The following SLC4A10 variants were observed in gnomAD, a reference collection of about 807,000 sequenced individuals.
The protein encoded by SLC4A10 is sodium-driven chloride bicarbonate exchanger.
Under a neutral mutation model 137.7 loss-of-function variants are expected in SLC4A10, and 42 were observed. The ratio of observed to expected loss-of-function variants is 0.30; its 90% CI spans 0.24 to 0.39. The LOEUF (loss-of-function observed/expected upper bound fraction) is 0.39, where lower values mean the gene tolerates loss of function less well. SLC4A10 is among the 10% of genes least tolerant of loss of function. The pLI, the probability that SLC4A10 is intolerant of heterozygous loss-of-function variation, is 1.00. For missense variants in SLC4A10, 925 were observed against 1,355.0 expected, an observed-to-expected ratio of 0.68 and a Z score of 4.98; for synonymous variants, 474 against 464.1, an observed-to-expected ratio of 1.02 and a Z score of -0.27.
chr2:161,708,246 C>T (rs533318735), intron 1 of SLC4A10, among the ~76,000 whole-genome samples: 2 of 151,446 alleles, frequency 1.3e-5, no homozygotes, highest in Admixed American at 1.3e-4. Flanking sequence ...AGGGAAAATT[C>T]CTTTAAGAGA....
At chr2:161,784,200 A>T (rs1381901832) in intron 2 of SLC4A10, among the ~76,000 whole-genome samples, 2 of 151,926 alleles carry the variant, frequency 1.3e-5, no homozygotes, top group Non-Finnish European at 2.9e-5. Context: ...AATTGTAAGT[A>T]GTTATGCACC....
intron 1 of SLC4A10, among the ~76,000 whole-genome samples, chr2:161,686,793 G>T (rs2041461164): frequency 6.6e-6 from 1 of 152,038 alleles, no homozygotes; most frequent in Admixed American, 6.6e-5. Context: ...AGGAAGTAAA[G>T]GTGTAAGAGA....
At chr2:161,712,804 A>G (rs1016339893) in intron 1 of SLC4A10, among the ~76,000 whole-genome samples, 1 of 151,860 alleles carries the variant, frequency 6.6e-6, no homozygotes, top group Non-Finnish European at 1.5e-5. Flanking sequence ...CTCTGAAGAA[A>G]TTTCCTCAGT....
intron 1 of SLC4A10, among the ~76,000 whole-genome samples, chr2:161,755,118 T>A (rs918336553): frequency 6.6e-6 from 1 of 152,180 alleles, no homozygotes; most frequent in Non-Finnish European, 1.5e-5. Flanking sequence ...AAATTATACA[T>A]CAGACTCATT....
intron 1 of SLC4A10, among the ~76,000 whole-genome samples, chr2:161,739,602 A>C (rs2047674951): frequency 6.6e-6 from 1 of 152,168 alleles, no homozygotes; most frequent in African/African-American, 2.4e-5. Flanking sequence ...GACTACTCCT[A>C]TCAAGATCCA....
intron 6 of SLC4A10, among the ~76,000 whole-genome samples, chr2:161,866,388 A>G (rs914451550): frequency 2.0e-5 from 3 of 151,940 alleles, no homozygotes; most frequent in Non-Finnish European, 1.5e-5. Flanking sequence ...TAAACACACT[A>G]GTTCACTCGT....
In SLC4A10 at chr2:161,805,593, T is replaced by A. The variant is rs1381937048; in HGVS notation, c.277+998T>A. 2.6e-5 allele frequency among the ~76,000 whole-genome samples: 4 copies of A among 152,184 alleles called. No homozygotes were observed. The East Asian group carries it at 7.7e-4, about 29-fold the overall frequency. Reference sequence around the variant, plus strand: ...GAGATATTGGCCAAAACAAAGGGGCTACAGGCCCAATGCAAGTCCAAAATC... The same window carrying A: ...GAGATATTGGCCAAAACAAAGGGGCAACAGGCCCAATGCAAGTCCAAAATC... On this transcript the variant is annotated intron_variant, in intron 3 of 26. Coordinates refer to ENST00000446997, the MANE Select transcript of SLC4A10 (RefSeq NM_001178015.2).
intron 15 of SLC4A10, among the ~76,000 whole-genome samples, chr2:161,938,046 G>A (rs1434210565): frequency 6.6e-6 from 1 of 152,142 alleles, no homozygotes; most frequent in Non-Finnish European, 1.5e-5. Context: ...GCTGAAGCAG[G>A]CAGATTGCTT....
chr2:161,640,119 T>C (rs570740016), intron 1 of SLC4A10, among the ~76,000 whole-genome samples: 59 of 152,280 alleles, frequency 3.9e-4, no homozygotes, highest in African/African-American at 1.4e-3. Context: ...TTCAATTATT[T>C]ATTTATTTCA....
rs1165895828 is a variant in SLC4A10, at chr2:161,984,394, T to C, written c.*1242T>C. On this transcript the variant is annotated 3_prime_UTR_variant, in exon 27 of 27. Coordinates refer to ENST00000446997, the MANE Select transcript of SLC4A10 (RefSeq NM_001178015.2). ...AAAAGTACAGTATTTGATTTCACTTTCAATGAATGTGAAGTTAATAAAACT... is the reference window on the plus strand; with the variant it reads ...AAAAGTACAGTATTTGATTTCACTTCCAATGAATGTGAAGTTAATAAAACT... The C allele has an allele frequency of 1.3e-5, 2 of 152,150 alleles. No homozygotes were observed. The highest frequency in any genetic ancestry group is 4.8e-5 in the African/African-American group (2 of 41,468). 9.4% of individuals were successfully genotyped at this position (152,150 alleles called of 1,614,324 possible). A position where few individuals can be genotyped will look rare whatever the true frequency, so the allele number is the denominator to read the frequency against.
chr2:161,723,000 CA>C (rs2045854765), intron 1 of SLC4A10, among the ~76,000 whole-genome samples: 1 of 152,182 alleles, frequency 6.6e-6, no homozygotes, highest in Admixed American at 6.5e-5. Flanking sequence ...CCTCCAGGTC[CA>C]AACTACTCAG....
intron 10 of SLC4A10, among the ~76,000 whole-genome samples, chr2:161,884,087 A>G (rs1377380907): frequency 2.0e-5 from 3 of 152,144 alleles, no homozygotes; most frequent in Non-Finnish European, 4.4e-5. Context: ...AATGAGGGCC[A>G]TACACCTGAT....
At chr2:161,799,134 A>G (rs553769676) in intron 2 of SLC4A10, among the ~76,000 whole-genome samples, 22 of 151,726 alleles carry the variant, frequency 1.4e-4, no homozygotes, top group African/African-American at 5.1e-4. Context: ...GATTTTTTGC[A>G]TTACATAAAG....
intron 1 of SLC4A10, among the ~76,000 whole-genome samples, chr2:161,705,412 T>A (rs193140008): frequency 5.9e-4 from 90 of 151,654 alleles, no homozygotes; most frequent in African/African-American, 1.8e-3. Context: ...GAGTAGTAAT[T>A]ATTATAAAGA....
chr2:161,724,845 T>C (rs886655647), intron 1 of SLC4A10, among the ~76,000 whole-genome samples: 1 of 152,210 alleles, frequency 6.6e-6, no homozygotes, highest in African/African-American at 2.4e-5. Flanking sequence ...CAACTAATTC[T>C]TAGTTGTTTT....
intron 15 of SLC4A10, among the ~76,000 whole-genome samples, chr2:161,933,092 T>C (rs1690716192): frequency 6.6e-6 from 1 of 151,810 alleles, no homozygotes; most frequent in African/African-American, 2.4e-5. Flanking sequence ...ACAATGTATA[T>C]ATGCCACTTA....
chr2:161,864,509 A>AT (rs1417462269), intron 6 of SLC4A10, among the ~76,000 whole-genome samples: 1 of 152,206 alleles, frequency 6.6e-6, no homozygotes, highest in African/African-American at 2.4e-5. Context: ...TTGTCTCAGA[A>AT]TGTAGAACCA....
At chr2:161,887,606 C>A (rs1373269592) in intron 10 of SLC4A10, among the ~76,000 whole-genome samples, 5 of 152,098 alleles carry the variant, frequency 3.3e-5, no homozygotes, top group African/African-American at 1.2e-4. Flanking sequence ...TAAATGTCTT[C>A]TTTTGAGAAA....
In SLC4A10 at chr2:161,845,672, A is replaced by G. The variant is rs542697704; in HGVS notation, c.416+5745A>G. 2.9e-3 allele frequency among the ~76,000 whole-genome samples: 448 copies of G among 152,244 alleles called. 1 individual carries two copies. The highest frequency in any genetic ancestry group is 0.01 in the African/African-American group (427 of 41,566). ...AACGGAATAGAGAACTAAGAAATAG[A>G]CCAGCACAAGTAAAGCTTACTGATT... On this transcript the variant is annotated intron_variant, in intron 4 of 26. Coordinates refer to ENST00000446997, the MANE Select transcript of SLC4A10 (RefSeq NM_001178015.2).
Sources: gnomAD v4.1 joint callset for allele counts (sites outside exome capture counted in the v4.1 genomes callset) on GRCh38, gnomAD v4.1.1 for gene constraint, MANE v1.5 for transcripts, NCBI Gene and HGNC (gene_info 2026-07-23, HGNC 2026-07-21) for gene names.